Variants in TBL1XR1 observed in about 807,000 individuals in gnomAD.
The protein encoded by TBL1XR1 is F-box-like/WD repeat-containing protein TBL1XR1.
In TBL1XR1, 5 loss-of-function variants were observed where a neutral mutation model predicts 66.9. The observed-to-expected ratio is 0.07, with a 90% CI of 0.04 to 0.16. The LOEUF (loss-of-function observed/expected upper bound fraction) is 0.16. TBL1XR1 is among the 10% of genes least tolerant of loss of function. The pLI, the probability that TBL1XR1 is intolerant of heterozygous loss-of-function variation, is 1.00. For synonymous variants in TBL1XR1, 210 were observed against 206.0 expected, an observed-to-expected ratio of 1.02 and a Z score of -0.17; for missense variants, 238 against 623.2, an observed-to-expected ratio of 0.38 and a Z score of 6.58.
intron 2 of TBL1XR1, among the ~76,000 whole-genome samples, chr3:177,068,049 A>T (rs531001969): frequency 1.3e-5 from 2 of 152,236 alleles, no homozygotes; most frequent in African/African-American, 4.8e-5. Context: ...TCCAGTCTTT[A>T]CACTTCACCA....
At chr3:177,157,519 G>C (rs1049155229) in intron 1 of TBL1XR1, among the ~76,000 whole-genome samples, 1 of 152,106 alleles carries the variant, frequency 6.6e-6, no homozygotes. Flanking sequence ...GAACACTCTG[G>C]GTTATAAGTG....
At chr3:177,129,346 A>G (rs1409711464) in intron 1 of TBL1XR1, among the ~76,000 whole-genome samples, 2 of 152,218 alleles carry the variant, frequency 1.3e-5, no homozygotes, top group South Asian at 2.1e-4. Flanking sequence ...GCTTACAGAA[A>G]ATAAAAATTT....
In TBL1XR1 at chr3:177,051,740, A is replaced by G; in HGVS notation, c.205-14T>C. The G allele has an allele frequency of 6.6e-7, 1 of 1,521,064 alleles. No individual in the cohort carries two copies. 94.2% of individuals were successfully genotyped at this position (1,521,064 alleles called of 1,614,324 possible). On this transcript the variant is annotated splice_polypyrimidine_tract_variant and intron_variant, in intron 4 of 15. Transcript: ENST00000457928. ...CAAGGTACCATCCTGGATTTGGAAA[A>G]TTGTGAGAGAAGAAAAATCAAAGGC...
chr3:177,169,319 A>G (rs527866384), intron 1 of TBL1XR1, among the ~76,000 whole-genome samples: 1 of 152,324 alleles, frequency 6.6e-6, no homozygotes, highest in African/African-American at 2.4e-5. Context: ...AAGTGGATAA[A>G]TCTTTGAATT....
chr3:177,115,648 AG>A (rs1726220648), intron 1 of TBL1XR1, among the ~76,000 whole-genome samples: 1 of 152,192 alleles, frequency 6.6e-6, no homozygotes, highest in African/African-American at 2.4e-5. Context: ...TGAGGTCTAC[AG>A]CCCAAATTGT....
At chr3:177,099,703 C>T (rs879426626) in intron 1 of TBL1XR1, among the ~76,000 whole-genome samples, 1 of 152,226 alleles carries the variant, frequency 6.6e-6, no homozygotes, top group Non-Finnish European at 1.5e-5. Context: ...CTAGCACAGA[C>T]TGAGGAAATG....
intron 1 of TBL1XR1, among the ~76,000 whole-genome samples, chr3:177,157,629 C>T (rs1731673523): frequency 6.6e-6 from 1 of 152,066 alleles, no homozygotes; most frequent in Non-Finnish European, 1.5e-5. Flanking sequence ...GTTAAATACC[C>T]ACAGGTTCTG....
At chr3:177,032,898 G>A (rs1714206683) in intron 14 of TBL1XR1, 73 bp downstream of exon 14, 1 of 1,228,278 alleles carries the variant, frequency 8.1e-7, no homozygotes, top group African/African-American at 1.5e-5. Context: ...ACCAAATGGT[G>A]AGGCAGAGTG....
At chr3:177,044,984 G>A (rs1483768615) in intron 10 of TBL1XR1, 1 of 152,110 alleles carries the variant, frequency 6.6e-6, no homozygotes, top group East Asian at 1.9e-4. Context: ...AAGCACAACA[G>A]GTGAACAAAA....
rs368317050 is a variant in TBL1XR1, at chr3:177,135,671, C to T, written c.-121-37130G>A. ...TGCTGGTATTACAGGCGTGAGCCAC[C>T]GCACCTGGCCCACTTTGTATATATT... is the stretch of plus-strand genomic sequence containing the variant. On this transcript the variant is annotated intron_variant, in intron 1 of 15. Coordinates refer to ENST00000457928, the MANE Select transcript of TBL1XR1 (RefSeq NM_024665.7). Among the ~76,000 whole-genome samples, 10 of 151,900 alleles carry T rather than the reference C, an allele frequency of 6.6e-5. 1 individual carries two copies. The highest frequency in any genetic ancestry group is 3.3e-4 in the Admixed American group (5 of 15,250).
chr3:177,152,573 G>A (rs1731027275), intron 1 of TBL1XR1, among the ~76,000 whole-genome samples: 1 of 152,144 alleles, frequency 6.6e-6, no homozygotes, highest in African/African-American at 2.4e-5. Context: ...GCGTGAGCGT[G>A]AGCCATGGTG....
chr3:177,035,933 C>A (rs1287383090), intron 12 of TBL1XR1, among the ~76,000 whole-genome samples: 1 of 152,144 alleles, frequency 6.6e-6, no homozygotes, highest in Non-Finnish European at 1.5e-5. Flanking sequence ...TGAGTCAACA[C>A]CATTAGAGGG....
chr3:177,033,207 C>T, intron 13 of TBL1XR1, 71 bp from the exon 14 acceptor site: 1 of 1,322,102 alleles, frequency 7.6e-7, no homozygotes, highest in Non-Finnish European at 9.9e-7. Flanking sequence ...CCCACCCAAC[C>T]TCCCATATTC....
At chr3:177,159,327 T>C (rs1446744695) in intron 1 of TBL1XR1, among the ~76,000 whole-genome samples, 1 of 152,154 alleles carries the variant, frequency 6.6e-6, no homozygotes, top group Non-Finnish European at 1.5e-5. Context: ...GTAAGGAAAT[T>C]ACCACTTATA....
At chr3:177,154,489 CAGGTTCAAG>C (rs1731261368) in intron 1 of TBL1XR1, among the ~76,000 whole-genome samples, 1 of 151,970 alleles carries the variant, frequency 6.6e-6, no homozygotes, top group African/African-American at 2.4e-5. Context: ...TTGTACCTCC[CAGGTTCAAG>C]AGATTCTCCA....
Position 177,024,085 on chromosome 3 carries a change from A to T in TBL1XR1, c.*1413T>A. On this transcript the variant is annotated 3_prime_UTR_variant, in exon 16 of 16. Coordinates refer to ENST00000457928, the MANE Select transcript of TBL1XR1 (RefSeq NM_024665.7). ...TATTATAAACAGAGTAAAAGACATG[A>T]TATAGTAGTGATTACTAAAAAAAAA... The T allele has an allele frequency of 6.6e-6, 1 of 152,286 alleles. No homozygotes were observed. The highest frequency in any genetic ancestry group is 2.4e-5 in the African/African-American group (1 of 41,448). The allele number at this position is 152,286 out of a possible 1,614,324, so 9.4% of individuals were successfully genotyped here.
chr3:177,146,921 T>G (rs1730326440), intron 1 of TBL1XR1, among the ~76,000 whole-genome samples: 1 of 152,182 alleles, frequency 6.6e-6, no homozygotes, highest in South Asian at 2.1e-4. Context: ...CATCATACTT[T>G]TGCATTCACA....
chr3:177,123,744 C>G (rs1727267244), intron 1 of TBL1XR1, among the ~76,000 whole-genome samples: 1 of 151,856 alleles, frequency 6.6e-6, no homozygotes, highest in African/African-American at 2.4e-5. Context: ...TCAAACATAC[C>G]CATCAAAAAG....
intron 3 of TBL1XR1, among the ~76,000 whole-genome samples, chr3:177,062,446 T>G (rs569316877): frequency 4.6e-5 from 7 of 152,324 alleles, no homozygotes; most frequent in African/African-American, 1.7e-4. Flanking sequence ...CTGATGCAGG[T>G]AGTCAGAGGC....
Sources: allele counts gnomAD v4.1 joint callset (sites outside exome capture counted in the v4.1 genomes callset), GRCh38; gene constraint gnomAD v4.1.1; transcripts MANE v1.5; gene names NCBI Gene and HGNC (gene_info 2026-07-23, HGNC 2026-07-21).